IL1RAPL2: variants seen among roughly 807,000 people sequenced by gnomAD.
IL1RAPL2 encodes interleukin 1 receptor accessory protein like 2, also known as X-linked interleukin-1 receptor accessory protein-like 2.
In IL1RAPL2, 3 loss-of-function variants were observed where a neutral mutation model predicts 44.1. The ratio of observed to expected loss-of-function variants is 0.07; its 90% CI spans 0.03 to 0.18. The LOEUF is 0.18. Ranked by LOEUF, IL1RAPL2 falls within the 10% of genes least tolerant of loss-of-function variation. IL1RAPL2 has a pLI of 1.00. For missense variants in IL1RAPL2, 391 were observed against 496.4 expected (o/e 0.79, Z 2.02); for synonymous variants, 181 against 178.8 (o/e 1.01, Z -0.10).
chrX:105,134,671 T>C (rs2033059926), intron 2 of IL1RAPL2, among the ~76,000 whole-genome samples: 1 of 111,455 alleles, frequency 9.0e-6, no homozygotes, highest in Non-Finnish European at 1.9e-5. Context: ...GCCCAAACTC[T>C]ATAATAAGGA....
intron 2 of IL1RAPL2, among the ~76,000 whole-genome samples, chrX:104,667,622 C>A (rs1884125): frequency 0.37 from 40,818 of 110,108 alleles, 5,887 homozygotes; most frequent in East Asian, 0.54. Flanking sequence ...TTTGTCTGAC[C>A]CCAGAGTCCT....
intron 2 of IL1RAPL2, among the ~76,000 whole-genome samples, chrX:104,907,023 A>G (rs1924035466): frequency 9.0e-6 from 1 of 110,871 alleles, no homozygotes; most frequent in African/African-American, 3.3e-5. Flanking sequence ...TTCCTGGTTT[A>G]GTCTTGGGAG....
intron 6 of IL1RAPL2, among the ~76,000 whole-genome samples, chrX:105,552,121 A>AG (rs2036862254): frequency 9.1e-6 from 1 of 109,872 alleles, no homozygotes; most frequent in Non-Finnish European, 1.9e-5. Flanking sequence ...AAAAAAAAAA[A>AG]GATTTCCCTT....
chrX:105,225,136 A>T (rs1318000838), intron 3 of IL1RAPL2, among the ~76,000 whole-genome samples: 1 of 111,962 alleles, frequency 8.9e-6, no homozygotes, highest in African/African-American at 3.2e-5. Flanking sequence ...AGGAATGGTG[A>T]CATGAGCTCA....
intron 6 of IL1RAPL2, among the ~76,000 whole-genome samples, chrX:105,664,545 A>T (rs1191497894): frequency 4.5e-5 from 5 of 111,724 alleles, no homozygotes; most frequent in Admixed American, 2.8e-4. Flanking sequence ...TGAAGTCAAG[A>T]AGCACCTTGT....
intron 6 of IL1RAPL2, among the ~76,000 whole-genome samples, chrX:105,663,083 T>C (rs1640850049): frequency 8.9e-6 from 1 of 112,153 alleles, no homozygotes; most frequent in Admixed American, 9.5e-5. Context: ...AAACAACATG[T>C]GTTTGAACTC....
At chrX:104,634,533 C>T (rs956493064) in intron 1 of IL1RAPL2, among the ~76,000 whole-genome samples, 1 of 111,621 alleles carries the variant, frequency 9.0e-6, no homozygotes, top group Admixed American at 9.6e-5. Context: ...TGCTCCTGTG[C>T]TGGGTGCATA....
chrX:105,017,320 G>A (rs2031199972), intron 2 of IL1RAPL2, among the ~76,000 whole-genome samples: 1 of 111,104 alleles, frequency 9.0e-6, no homozygotes, highest in South Asian at 3.7e-4. Flanking sequence ...TCTGATCTTA[G>A]TTATTTAAGG....
chrX:105,007,300 T>C (rs2030959892), intron 2 of IL1RAPL2, among the ~76,000 whole-genome samples: 1 of 111,500 alleles, frequency 9.0e-6, no homozygotes, highest in African/African-American at 3.2e-5. Flanking sequence ...CTCATATATA[T>C]AGTCCTACAT....
chrX:104,898,365 G>T (rs1923713726), intron 2 of IL1RAPL2, among the ~76,000 whole-genome samples: 1 of 112,352 alleles, frequency 8.9e-6, no homozygotes, highest in African/African-American at 3.2e-5. Context: ...AACTCATGTA[G>T]CATGCTCAAT....
chrX:104,850,540 C>T (rs951284214), intron 2 of IL1RAPL2, among the ~76,000 whole-genome samples: 1 of 111,676 alleles, frequency 9.0e-6, no homozygotes, highest in East Asian at 2.8e-4. Context: ...AAACATTTAT[C>T]TAGGTTTTAA....
chrX:105,354,710 G>C (rs890903140), intron 5 of IL1RAPL2, among the ~76,000 whole-genome samples: 1 of 111,194 alleles, frequency 9.0e-6, no homozygotes, highest in African/African-American at 3.3e-5. Context: ...CCTTAAATGT[G>C]CCTTGCAGTT....
At chrX:104,729,550 G>A (rs1266459877) in intron 2 of IL1RAPL2, among the ~76,000 whole-genome samples, 1 of 96,809 alleles carries the variant, frequency 1.0e-5, no homozygotes, top group Non-Finnish European at 2.0e-5. Flanking sequence ...ATACAGGTTT[G>A]TTATATAGGT....
chrX:105,247,582 AGTGTGTGTGTATATATATATATGT>A (rs1376590905), intron 4 of IL1RAPL2, among the ~76,000 whole-genome samples: 10 of 92,757 alleles, frequency 1.1e-4, no homozygotes, highest in Non-Finnish European at 1.8e-4. Context: ...ATAGAATAGA[AGTGTGTGTGTATATATATATATGT>A]GTGTGTGTGT....
intron 2 of IL1RAPL2, among the ~76,000 whole-genome samples, chrX:104,766,183 CATTTT>C (rs1932549369): frequency 8.9e-6 from 1 of 112,088 alleles, no homozygotes; most frequent in South Asian, 3.7e-4. Flanking sequence ...AATAAGTCAA[CATTTT>C]ATTAAGAGGA....
At position 105,078,758 on chromosome X, in the gene IL1RAPL2, C is replaced by T. The variant is rs1184417011; in HGVS notation, c.83-116717C>T. ...GGTCGCCCCTCCCCCAGCCTCGCTG[C>T]CACCTTGCAGTTTGATCTCAGACTG... On this transcript the variant is annotated intron_variant, in intron 2 of 10. Transcript: ENST00000372582. Among the ~76,000 whole-genome samples, 3 of 112,396 alleles carry T rather than the reference C, an allele frequency of 2.7e-5. No homozygotes were observed. In the East Asian group the frequency reaches 8.5e-4, roughly 32 times the overall value.
chrX:104,791,183 G>T (rs1932824187), intron 2 of IL1RAPL2, among the ~76,000 whole-genome samples: 2 of 106,399 alleles, frequency 1.9e-5, no homozygotes, highest in Admixed American at 2.0e-4. Flanking sequence ...GCCTTGCCCT[G>T]CCCTTCCCTT....
intron 5 of IL1RAPL2, among the ~76,000 whole-genome samples, chrX:105,333,006 A>G (rs1476207869): frequency 9.0e-6 from 1 of 111,683 alleles, no homozygotes; most frequent in Non-Finnish European, 1.9e-5. Flanking sequence ...CAGAAATAGA[A>G]AAAAAGTACC....
At chrX:104,672,400 T>C (rs1602672559) in intron 2 of IL1RAPL2, among the ~76,000 whole-genome samples, 1 of 111,104 alleles carries the variant, frequency 9.0e-6, no homozygotes, top group African/African-American at 3.3e-5. Flanking sequence ...TCCAATTTCA[T>C]CCATGTCCAT....
Sources: gnomAD v4.1 joint callset for allele counts (sites outside exome capture counted in the v4.1 genomes callset) on GRCh38, gnomAD v4.1.1 for gene constraint, MANE v1.5 for transcripts, NCBI Gene and HGNC (gene_info 2026-07-23, HGNC 2026-07-21) for gene names.